DCAF6: variants seen among roughly 807,000 people sequenced by gnomAD.
DCAF6 encodes the protein DDB1 and CUL4 associated factor 6, also known as DDB1- and CUL4-associated factor 6.
In DCAF6, 54 loss-of-function variants were observed where a neutral mutation model predicts 125.1. The observed-to-expected ratio is 0.43, with a 90% CI of 0.35 to 0.54. DCAF6 has a LOEUF of 0.54. Ranked by LOEUF, DCAF6 falls within the 20% of genes least tolerant of loss-of-function variation. The pLI, the probability that DCAF6 is intolerant of heterozygous loss-of-function variation, is 0.01. For synonymous variants in DCAF6, 371 were observed against 390.4 expected, an observed-to-expected ratio of 0.95 and a Z score of 0.58; for missense variants, 934 against 1,161.7, an observed-to-expected ratio of 0.80 and a Z score of 2.85.
intron 3 of DCAF6, among the ~76,000 whole-genome samples, chr1:167,969,519 CA>C: frequency 6.6e-6 from 1 of 152,150 alleles, no homozygotes; most frequent in Non-Finnish European, 1.5e-5. Context: ...ATTAGCAGTC[CA>C]AAGTGTAATT....
the DCAF6 span, among the ~76,000 whole-genome samples, chr1:167,863,797 C>G: frequency 6.6e-6 from 1 of 152,320 alleles, no homozygotes; most frequent in African/African-American, 2.4e-5. Flanking sequence ...GGCTGAACAC[C>G]GGGAAGGAAT....
rs1680208676 is a variant in DCAF6 at position 167,987,681 on chromosome 1, T to A, written c.552+73T>A. 3.9e-6 allele frequency: 3 copies of A among 768,168 alleles called. No homozygotes were observed. The South Asian group carries it at 5.2e-5, about 13-fold the overall frequency. 47.6% of individuals were successfully genotyped at this position (768,168 alleles called of 1,614,324 possible). On this transcript the variant is annotated intron_variant, in intron 5 of 21. Transcript: ENST00000367840. Reference sequence around the variant, plus strand: ...TAATTAAAATTGGTTATAATTAAAGTTATAATTAAGGTTATAATTAAAAGT... The same window carrying A: ...TAATTAAAATTGGTTATAATTAAAGATATAATTAAGGTTATAATTAAAAGT...
chr1:167,868,933 CAAGAAACTCAGAT>C, the DCAF6 span, among the ~76,000 whole-genome samples: 1 of 152,120 alleles, frequency 6.6e-6, no homozygotes, highest in Non-Finnish European at 1.5e-5. Context: ...TCTGGCCCGG[CAAGAAACTCAGAT>C]AAGAAATGCT....
chr1:168,039,495 A>C (rs1232234483), intron 13 of DCAF6, among the ~76,000 whole-genome samples: 1 of 150,640 alleles, frequency 6.6e-6, no homozygotes, highest in Non-Finnish European at 1.5e-5. Context: ...CTTTCCCACT[A>C]TCTCATGACC....
At chr1:167,901,019 CCT>C in the DCAF6 span, among the ~76,000 whole-genome samples, 2 of 152,126 alleles carry the variant, frequency 1.3e-5, no homozygotes, top group Admixed American at 6.5e-5. Flanking sequence ...ATTACTTATA[CCT>C]CTCAGAATCT....
chr1:168,009,865 C>G (rs1253678179), intron 10 of DCAF6, among the ~76,000 whole-genome samples: 2 of 121,056 alleles, frequency 1.7e-5, no homozygotes, highest in African/African-American at 7.7e-5. Context: ...ATGATAAGCT[C>G]TCTTGAAGAC....
rs1437447309 is a variant in DCAF6, at chr1:167,984,281, C to T, written c.439-3214C>T. ...TCTGTAACATTCTTACACTTTTCCCCTCCTTCTTGAGGAAGGTTAAATTGT... is the reference window on the plus strand; with the variant it reads ...TCTGTAACATTCTTACACTTTTCCCTTCCTTCTTGAGGAAGGTTAAATTGT... On this transcript the variant is annotated intron_variant, in intron 4 of 21. Coordinates refer to ENST00000367840, the MANE Select transcript of DCAF6 (RefSeq NM_001198956.2). 2.6e-5 allele frequency among the ~76,000 whole-genome samples: 4 copies of T among 152,302 alleles called. No individual in the cohort carries two copies. In the East Asian group the frequency reaches 7.7e-4, roughly 29 times the overall value.
Position 168,014,512 on chromosome 1 carries a change from A to G in DCAF6, c.1379-1269A>G, listed in dbSNP as rs151024257. On this transcript the variant is annotated intron_variant, in intron 10 of 21. Coordinates refer to ENST00000367840, the MANE Select transcript of DCAF6 (RefSeq NM_001198956.2). ...TTAGGGGACTTAAAATGACATCCAAATTTATATCTCTGAATTGTAGACTTT... is the reference window on the plus strand; with the variant it reads ...TTAGGGGACTTAAAATGACATCCAAGTTTATATCTCTGAATTGTAGACTTT... Among the ~76,000 whole-genome samples, 18 of 152,236 alleles carry G rather than the reference A, an allele frequency of 1.2e-4. No individual in the cohort carries two copies. The East Asian group carries it at 3.5e-3, about 29-fold the overall frequency.
chr1:167,880,944 T>C, the DCAF6 span, among the ~76,000 whole-genome samples: 1 of 152,080 alleles, frequency 6.6e-6, no homozygotes, highest in Non-Finnish European at 1.5e-5. Flanking sequence ...CACAGAGCAG[T>C]GGAAAAGGCA....
chr1:167,898,341 C>T, the DCAF6 span, among the ~76,000 whole-genome samples: 7 of 152,054 alleles, frequency 4.6e-5, no homozygotes, highest in Non-Finnish European at 7.4e-5. Flanking sequence ...TGGCTTACAC[C>T]TATAATCCCA....
chr1:167,980,342 T>G (rs1415836810), intron 4 of DCAF6, among the ~76,000 whole-genome samples: 3 of 149,114 alleles, frequency 2.0e-5, no homozygotes, highest in Non-Finnish European at 4.4e-5. Context: ...TACCCAGAAG[T>G]AGAGATTGCT....
the DCAF6 span, among the ~76,000 whole-genome samples, chr1:167,918,746 A>G: frequency 1.3e-5 from 2 of 151,734 alleles, no homozygotes; most frequent in Admixed American, 6.6e-5. Context: ...GGCGCCCGCC[A>G]CCACTTCTGG....
At chr1:168,016,993 C>T (rs528651287) in intron 11 of DCAF6, among the ~76,000 whole-genome samples, 3 of 151,928 alleles carry the variant, frequency 2.0e-5, no homozygotes, top group South Asian at 2.1e-4. Flanking sequence ...GTAACAAAAG[C>T]ACATTTTATA....
chr1:167,957,709 C>CT (rs1474418698), intron 2 of DCAF6, among the ~76,000 whole-genome samples: 1 of 152,044 alleles, frequency 6.6e-6, no homozygotes, highest in Non-Finnish European at 1.5e-5. Flanking sequence ...GGTATCAAAA[C>CT]TGTTTTCCAA....
chr1:168,014,843 T>C (rs138855103), intron 10 of DCAF6, among the ~76,000 whole-genome samples: 1 of 152,316 alleles, frequency 6.6e-6, no homozygotes, highest in Admixed American at 6.5e-5. Flanking sequence ...CTCGAGGTGT[T>C]TGTTCAAGTG....
chr1:168,020,486 T>G (rs1462247646), intron 11 of DCAF6, among the ~76,000 whole-genome samples: 1 of 152,184 alleles, frequency 6.6e-6, no homozygotes, highest in Non-Finnish European at 1.5e-5. Flanking sequence ...CATGCTGAGC[T>G]TAGTACTGAG....
chr1:168,053,757 C>T (rs1445458932), intron 17 of DCAF6, among the ~76,000 whole-genome samples: 2 of 152,170 alleles, frequency 1.3e-5, no homozygotes, highest in Non-Finnish European at 2.9e-5. Context: ...ACCTGAATTC[C>T]AGACCCAGAA....
At chr1:167,965,237 G>A (rs534340211) in intron 2 of DCAF6, among the ~76,000 whole-genome samples, 2 of 152,290 alleles carry the variant, frequency 1.3e-5, no homozygotes, top group African/African-American at 4.8e-5. Context: ...GAGCCTATAC[G>A]TCTGAACTGT....
At chr1:167,955,010 A>G (rs1267641371) in intron 2 of DCAF6, among the ~76,000 whole-genome samples, 1 of 152,210 alleles carries the variant, frequency 6.6e-6, no homozygotes, top group Middle Eastern at 3.2e-3. Context: ...AATAAACGGA[A>G]TCATTGACTA....
Sources: gnomAD v4.1 joint callset for allele counts (sites outside exome capture counted in the v4.1 genomes callset) on GRCh38, gnomAD v4.1.1 for gene constraint, MANE v1.5 for transcripts, NCBI Gene and HGNC (gene_info 2026-07-23, HGNC 2026-07-21) for gene names.